The following PCBP2 variants were observed in gnomAD, a reference collection of about 807,000 sequenced individuals.
PCBP2 encodes poly(rC) binding protein 2.
A neutral mutation model predicts 50.1 loss-of-function variants in PCBP2; 4 were observed. That is an observed-to-expected ratio of 0.08 (90% CI 0.04 to 0.18). The LOEUF (loss-of-function observed/expected upper bound fraction) is 0.18, where lower values mean the gene tolerates loss of function less well. PCBP2 is among the 10% of genes least tolerant of loss of function. The pLI is 1.00. For missense variants in PCBP2, 161 were observed against 474.3 expected (o/e 0.34, Z 6.14); for synonymous variants, 179 against 168.0 (o/e 1.07, Z -0.51).
At chr12:53,460,059 C>G (rs545234888) in intron 6 of PCBP2, 4 of 229,304 alleles carry the variant, frequency 1.7e-5, no homozygotes, top group African/African-American at 9.3e-5. Flanking sequence ...ACTTGCTTGC[C>G]TGCAGCGTCA....
intron 5 of PCBP2, among the ~76,000 whole-genome samples, chr12:53,458,864 C>A (rs907579414): frequency 6.6e-6 from 1 of 152,020 alleles, no homozygotes; most frequent in Non-Finnish European, 1.5e-5. Context: ...GTCTTGAACT[C>A]CCTGACCTGA....
chr12:53,462,680 C>A, intron 8 of PCBP2, 113 bp downstream of exon 8: 2 of 727,682 alleles, frequency 2.7e-6, no homozygotes, highest in South Asian at 2.6e-5. Flanking sequence ...TATACTCTGG[C>A]CATAGTTTGA....
chr12:53,472,870 C>G (rs1435666168), intron 14 of PCBP2, among the ~76,000 whole-genome samples: 1 of 152,110 alleles, frequency 6.6e-6, no homozygotes, highest in Admixed American at 6.6e-5. Context: ...AAAGCTTTCC[C>G]TTTCCTAGAT....
At position 53,479,633 on chromosome 12, in the gene PCBP2, T is replaced by C. The variant is rs1592700332; in HGVS notation, c.*191T>C. Reference sequence around the variant, plus strand: ...ATTCCTTTCTCTGTTCAGCTGTTGATGCTGAGATCCATATTTAGTTTTATA... The same window carrying C: ...ATTCCTTTCTCTGTTCAGCTGTTGACGCTGAGATCCATATTTAGTTTTATA... On this transcript the variant is annotated 3_prime_UTR_variant, in exon 15 of 15. Coordinates refer to ENST00000546463, the MANE Select transcript of PCBP2 (RefSeq NM_031989.5). 2.4e-6 allele frequency: 1 copy of C among 424,176 alleles called. No individual in the cohort carries two copies. Among genetic ancestry groups the C allele is most frequent in the Non-Finnish European group, 4.2e-6 (1 of 235,924 alleles). The allele number at this position is 424,176 out of a possible 1,614,324, so 26.3% of individuals were successfully genotyped here. A position where few individuals can be genotyped will look rare whatever the true frequency, so the allele number is the denominator to read the frequency against.
At chr12:53,478,332 ACT>A (rs1171001209) in intron 14 of PCBP2, among the ~76,000 whole-genome samples, 1 of 151,638 alleles carries the variant, frequency 6.6e-6, no homozygotes, top group Non-Finnish European at 1.5e-5. Flanking sequence ...ACATGGTGAA[ACT>A]CTGTCTCTAC....
rs1006315074 is a variant in PCBP2, at chr12:53,464,489, A to G, written c.580-271A>G. ...GCAAAGTGGGCTCTGTAGGGGTTCA[A>G]CTTAATCCCACACTGACCAGGAGCT... On this transcript the variant is annotated intron_variant, in intron 8 of 14. Transcript: ENST00000546463. 7.5e-6 allele frequency: 3 copies of G among 398,864 alleles called. No homozygotes were observed. The South Asian group carries it at 8.1e-5, about 11-fold the overall frequency. 24.7% of individuals were successfully genotyped at this position (398,864 alleles called of 1,614,324 possible). A position where few individuals can be genotyped will look rare whatever the true frequency, so the allele number is the denominator to read the frequency against.
At chr12:53,475,882 G>C (rs1174963915) in intron 14 of PCBP2, 2 of 152,208 alleles carry the variant, frequency 1.3e-5, no homozygotes, top group African/African-American at 2.4e-5. Context: ...TGACTTCTCA[G>C]ATGGCCTTAC....
At chr12:53,453,875 A>G (rs1390827657) in intron 1 of PCBP2, among the ~76,000 whole-genome samples, 1 of 152,248 alleles carries the variant, frequency 6.6e-6, no homozygotes, top group Non-Finnish European at 1.5e-5. Context: ...GCCATCTTGT[A>G]TAGGAAAGGT....
rs1291783144 is a variant in PCBP2, at chr12:53,454,873, T to G, written c.69+4T>G. On this transcript the variant is annotated splice_donor_region_variant and intron_variant, in intron 2 of 14. Coordinates refer to ENST00000546463, the MANE Select transcript of PCBP2 (RefSeq NM_031989.5). Reference sequence around the variant, plus strand: ...CCGGCTACTTATGCATGGAAAGGTATGCTCTAGCTTGGGAAATGGGGTCAT... The same window carrying G: ...CCGGCTACTTATGCATGGAAAGGTAGGCTCTAGCTTGGGAAATGGGGTCAT... 3 of 1,613,370 alleles carry G rather than the reference T, an allele frequency of 1.9e-6. No individual in the cohort carries two copies. Among genetic ancestry groups the G allele is most frequent in the South Asian group, 2.2e-5 (2 of 91,076 alleles).
intron 9 of PCBP2, among the ~76,000 whole-genome samples, chr12:53,465,538 T>C (rs942113963): frequency 6.6e-6 from 1 of 152,094 alleles, no homozygotes; most frequent in African/African-American, 2.4e-5. Flanking sequence ...ATCACCACAA[T>C]TGGTAGAAGG....
At position 53,456,017 on chromosome 12, in the gene PCBP2, C is replaced by G; in HGVS notation, c.243+16C>G. On this transcript the variant is annotated intron_variant, in intron 5 of 14. Coordinates refer to ENST00000546463, the MANE Select transcript of PCBP2 (RefSeq NM_031989.5). ...ACTGGAAGAGGTTTGTTGTCTCCCA[C>G]TCCCTCATTCTTCATTTTTAAGTGC... The G allele has an allele frequency of 7.2e-7, 1 of 1,392,586 alleles. No individual in the cohort carries two copies. Among genetic ancestry groups the G allele is most frequent in the Non-Finnish European group, 1.0e-6 (1 of 979,082 alleles). 86.3% of individuals were successfully genotyped at this position (1,392,586 alleles called of 1,614,324 possible).
At chr12:53,478,865 T>C (rs192721895) in intron 14 of PCBP2, among the ~76,000 whole-genome samples, 6 of 149,056 alleles carry the variant, frequency 4.0e-5, no homozygotes, top group Admixed American at 4.0e-4. Flanking sequence ...TACATCTCTT[T>C]TTAACATTTT....
rs368137981 is a variant in PCBP2, at chr12:53,480,369, A to C, written c.*927A>C. 2 of 152,414 alleles carry C rather than the reference A, an allele frequency of 1.3e-5. No homozygotes were observed. The highest frequency in any genetic ancestry group is 4.8e-5 in the African/African-American group (2 of 41,446). The allele number at this position is 152,414 out of a possible 1,614,324, so 9.4% of individuals were successfully genotyped here. ...GACATTATACTCATTTAGTGAGAGT[A>C]GATGCAAAAAAGTGGAGGGGCAGGA... On this transcript the variant is annotated 3_prime_UTR_variant, in exon 15 of 15. Coordinates refer to ENST00000546463, the MANE Select transcript of PCBP2 (RefSeq NM_031989.5).
intron 9 of PCBP2, among the ~76,000 whole-genome samples, chr12:53,465,216 C>A (rs1312634696): frequency 6.6e-6 from 1 of 152,036 alleles, no homozygotes; most frequent in African/African-American, 2.4e-5. Flanking sequence ...CATCCCCTCC[C>A]TCCCTGTTCC....
chr12:53,471,206 A>G (rs909444258), intron 13 of PCBP2, among the ~76,000 whole-genome samples: 23 of 151,812 alleles, frequency 1.5e-4, no homozygotes, highest in Non-Finnish European at 3.1e-4. Flanking sequence ...AGAGATACAG[A>G]GGCTGAGATT....
intron 5 of PCBP2, among the ~76,000 whole-genome samples, chr12:53,458,479 TG>T (rs1379914605): frequency 1.3e-5 from 2 of 151,242 alleles, no homozygotes; most frequent in African/African-American, 2.4e-5. Context: ...AGCTAGTTTT[TG>T]TGTTTTTGTA....
intron 5 of PCBP2, among the ~76,000 whole-genome samples, chr12:53,458,751 G>A (rs182527944): frequency 7.5e-4 from 113 of 151,136 alleles, no homozygotes; most frequent in Non-Finnish European, 1.3e-3. Context: ...CGATTCTCCC[G>A]CATCAGCATC....
intron 14 of PCBP2, chr12:53,475,428 TTATC>T (rs1195514332): frequency 3.2e-6 from 1 of 314,422 alleles, no homozygotes; most frequent in African/African-American, 2.2e-5. Flanking sequence ...CTTGAATTCT[TTATC>T]TAGAGCCACA....
intron 1 of PCBP2, among the ~76,000 whole-genome samples, chr12:53,454,099 A>AT (rs1940805535): frequency 6.6e-6 from 1 of 152,216 alleles, no homozygotes; most frequent in African/African-American, 2.4e-5. Flanking sequence ...GTATCGAGTC[A>AT]TTTTCTAAAG....
Sources: gnomAD v4.1 joint callset for allele counts (sites outside exome capture counted in the v4.1 genomes callset) on GRCh38, gnomAD v4.1.1 for gene constraint, MANE v1.5 for transcripts, NCBI Gene and HGNC (gene_info 2026-07-23, HGNC 2026-07-21) for gene names.